MARCO: variants seen among roughly 807,000 people sequenced by gnomAD.
The protein encoded by MARCO is macrophage receptor MARCO.
In MARCO, 72 loss-of-function variants were observed where a neutral mutation model predicts 70.0. That is an observed-to-expected ratio of 1.03 (90% CI 0.85 to 1.25). The LOEUF is 1.25. Ranked by LOEUF, MARCO falls within the 50% of genes most tolerant of loss-of-function variation. The probability of loss-of-function intolerance (pLI) is 0.00; values close to 1 mark genes in which losing one functional copy is unlikely to be tolerated. For synonymous variants in MARCO, 273 were observed against 243.1 expected, an observed-to-expected ratio of 1.12 and a Z score of -1.14; for missense variants, 696 against 659.3, an observed-to-expected ratio of 1.06 and a Z score of -0.61.
intron 1 of MARCO, chr2:118,949,405 C>T (rs771656945): frequency 6.6e-6 from 1 of 152,326 alleles, no homozygotes. Flanking sequence ...CCTATTTCTA[C>T]TACTGAGACC....
chr2:118,965,699 A>G (rs1401042242), intron 1 of MARCO, among the ~76,000 whole-genome samples: 1 of 152,222 alleles, frequency 6.6e-6, no homozygotes, highest in African/African-American at 2.4e-5. Context: ...ACAGTCACAG[A>G]GTCACACAGT....
At chr2:118,988,336 G>A (rs548604566) in intron 12 of MARCO, among the ~76,000 whole-genome samples, 1 of 152,178 alleles carries the variant, frequency 6.6e-6, no homozygotes, top group African/African-American at 2.4e-5. Flanking sequence ...GACAGTTGGA[G>A]GGGTGCATCT....
intron 10 of MARCO, 34 bp downstream of exon 10, chr2:118,981,690 C>T: frequency 6.2e-7 from 1 of 1,601,012 alleles, no homozygotes; most frequent in Non-Finnish European, 8.6e-7. Context: ...ATCATCCCAG[C>T]TACGACTGTC....
Position 118,974,537 on chromosome 2 carries a change from A to G in MARCO, c.585A>G (p.Gln195=), listed in dbSNP as rs750355940. The G allele has an allele frequency of 5.6e-6, 9 of 1,613,626 alleles. No homozygotes were observed. The highest frequency in any genetic ancestry group is 1.1e-5 in the South Asian group (1 of 90,998). Residue 195 remains glutamine (Q), a synonymous_variant, in exon 6 of 17, where the codon CAA becomes CAG. Transcript: ENST00000327097. The part of the protein sequence containing the change: ...RDGATGPSGP[Q]GPPGVKGEAG... ...CCCTTCCAGGCCCCTCGGGACCCCA[A>G]GGCCCACCGGGAGTCAAGGGAGAGG...
chr2:118,983,661 T>C (rs1680434735), intron 12 of MARCO, among the ~76,000 whole-genome samples: 2 of 152,144 alleles, frequency 1.3e-5, no homozygotes, highest in African/African-American at 4.8e-5. Flanking sequence ...TCCATTCTGA[T>C]CTTATAATTC....
intron 1 of MARCO, among the ~76,000 whole-genome samples, chr2:118,955,061 AT>A (rs1414346793): frequency 6.7e-6 from 1 of 148,910 alleles, no homozygotes; most frequent in South Asian, 2.2e-4. Flanking sequence ...AAAAAAAAAA[AT>A]CACACTAGTT....
intron 1 of MARCO, among the ~76,000 whole-genome samples, chr2:118,958,307 G>A (rs1679876268): frequency 6.6e-6 from 1 of 151,882 alleles, no homozygotes; most frequent in African/African-American, 2.4e-5. Context: ...CAAAGTTTCT[G>A]GATACAAGAT....
At chr2:118,992,240 C>G (rs1257876699) in intron 14 of MARCO, among the ~76,000 whole-genome samples, 192 bp from the exon 15 acceptor site, 1 of 152,210 alleles carries the variant, frequency 6.6e-6, no homozygotes, top group African/African-American at 2.4e-5. Context: ...TGCTGTAGCT[C>G]AGGCCCGTTT....
chr2:118,955,957 CTGTT>C (rs1679828853), intron 1 of MARCO, among the ~76,000 whole-genome samples: 1 of 102,898 alleles, frequency 9.7e-6, no homozygotes, highest in African/African-American at 5.4e-5. Flanking sequence ...AAAACTTGAA[CTGTT>C]TAAATCTGTT....
Position 118,977,842 on chromosome 2 carries a change from C to A in MARCO, c.673C>A (p.Gln225Lys). ...TCTCTTTGCAGGCACCCCAGGACCC[C>A]AAGGAGAGAAGGGCAGCAAAGGCGA... ...KQGATGTPGP[Q>K]GEKGSKGDGG... The change falls in exon 8 of 17, where the codon CAA becomes AAA. Residue 225 changes from glutamine to lysine, a missense_variant. Around this residue, in one of 3 missense-constraint regions of MARCO, gnomAD observed 605 missense variants for 537.6 expected, o/e 1.13. Coordinates refer to ENST00000327097, the MANE Select transcript of MARCO (RefSeq NM_006770.4). 6.2e-7 allele frequency: 1 copy of A among 1,612,348 alleles called. No homozygotes were observed. Among genetic ancestry groups the A allele is most frequent in the East Asian group, 2.2e-5 (1 of 44,810 alleles).
intron 3 of MARCO, 121 bp from the exon 4 acceptor site, chr2:118,971,378 C>T: frequency 2.1e-6 from 2 of 953,474 alleles, no homozygotes; most frequent in Non-Finnish European, 1.7e-6. Context: ...CCCCCACAGT[C>T]TGATGGGAGC....
At chr2:118,958,576 A>G (rs1263453764) in intron 1 of MARCO, among the ~76,000 whole-genome samples, 2 of 152,202 alleles carry the variant, frequency 1.3e-5, no homozygotes, top group Non-Finnish European at 2.9e-5. Context: ...AAATAATCGT[A>G]CTGCCAAAAG....
intron 1 of MARCO, among the ~76,000 whole-genome samples, chr2:118,954,439 A>T (rs1679789675): frequency 6.6e-6 from 1 of 152,192 alleles, no homozygotes; most frequent in African/African-American, 2.4e-5. Flanking sequence ...CTCTGAGATC[A>T]TACATGCCTA....
At chr2:118,952,348 C>T (rs986297964) in intron 1 of MARCO, among the ~76,000 whole-genome samples, 5 of 152,098 alleles carry the variant, frequency 3.3e-5, no homozygotes, top group African/African-American at 2.4e-5. Flanking sequence ...CCTCTCTGGC[C>T]GCTCCCCCAA....
At chr2:118,964,606 G>A (rs1007174692) in intron 1 of MARCO, among the ~76,000 whole-genome samples, 10 of 152,104 alleles carry the variant, frequency 6.6e-5, no homozygotes, top group African/African-American at 1.4e-4. Context: ...TGGTATTCCT[G>A]GCCAGGCACA....
intron 16 of MARCO, among the ~76,000 whole-genome samples, 160 bp from the exon 17 acceptor site, chr2:118,994,227 A>G (rs539135598): frequency 6.6e-6 from 1 of 152,244 alleles, no homozygotes; most frequent in Admixed American, 6.5e-5. Flanking sequence ...CAACAAAAAC[A>G]GGCTAAGCCA....
In MARCO at chr2:118,942,199, C is replaced by T; in HGVS notation, c.-102C>T. 1.4e-6 allele frequency: 1 copy of T among 729,268 alleles called. No homozygotes were observed. The highest frequency in any genetic ancestry group is 2.4e-6 in the Non-Finnish European group (1 of 416,268). 45.2% of individuals were successfully genotyped at this position (729,268 alleles called of 1,614,324 possible). On this transcript the variant is annotated 5_prime_UTR_variant, in exon 1 of 17. Coordinates refer to ENST00000327097, the MANE Select transcript of MARCO (RefSeq NM_006770.4). ...AGGGAAGTGCTGCGAGGTTTACAAC[C>T]AGCTGCAGTGGTTCGATGGGAAGGA...
intron 1 of MARCO, among the ~76,000 whole-genome samples, chr2:118,943,669 C>T (rs76574326): frequency 1.6e-3 from 237 of 151,644 alleles, no homozygotes; most frequent in East Asian, 0.016. Flanking sequence ...AAAGGGAGTC[C>T]GTTAGAGAAA....
chr2:118,986,165 T>C (rs2422459), intron 12 of MARCO, among the ~76,000 whole-genome samples: 120,432 of 152,076 alleles, frequency 0.79, 47,921 homozygotes, highest in East Asian at 1. Context: ...TGAGAGAGCT[T>C]TGCAGAAGTC....
Sources: gnomAD v4.1 joint callset for allele counts (sites outside exome capture counted in the v4.1 genomes callset) on GRCh38, gnomAD v4.1.1 for gene constraint, gnomAD v4.1.1 regional missense constraint, MANE v1.5 for transcripts, NCBI Gene and HGNC (gene_info 2026-07-23, HGNC 2026-07-21) for gene names.